CNTNAP5: variants seen among roughly 807,000 people sequenced by gnomAD.
CNTNAP5 encodes contactin-associated protein-like 5.
Under a neutral mutation model 150.2 loss-of-function variants are expected in CNTNAP5, and 72 were observed. The observed-to-expected ratio is 0.48, with a 90% CI of 0.40 to 0.58. The LOEUF (loss-of-function observed/expected upper bound fraction) is 0.58. Ranked by LOEUF, CNTNAP5 falls within the 20% of genes least tolerant of loss-of-function variation. The pLI is 0.00. For synonymous variants in CNTNAP5, 672 were observed against 619.8 expected, an observed-to-expected ratio of 1.08 and a Z score of -1.25; for missense variants, 1,636 against 1,626.2, an observed-to-expected ratio of 1.01 and a Z score of -0.10.
At chr2:124,565,517 A>C (rs899196832) in intron 11 of CNTNAP5, among the ~76,000 whole-genome samples, 3 of 151,782 alleles carry the variant, frequency 2.0e-5, no homozygotes, top group African/African-American at 7.3e-5. Context: ...AAAGAAATTT[A>C]GAACAGTGAA....
At chr2:124,763,010 A>C (rs1680990853) in intron 14 of CNTNAP5, among the ~76,000 whole-genome samples, 1 of 152,122 alleles carries the variant, frequency 6.6e-6, no homozygotes, top group Non-Finnish European at 1.5e-5. Context: ...GAGTCCAAAA[A>C]CACCACCTTA....
intron 2 of CNTNAP5, among the ~76,000 whole-genome samples, chr2:124,227,447 A>G (rs1313722461): frequency 6.6e-6 from 1 of 152,102 alleles, no homozygotes; most frequent in African/African-American, 2.4e-5. Context: ...ACACTCACAA[A>G]CACAAACATG....
chr2:124,771,389 C>T (rs1422330208), intron 16 of CNTNAP5, among the ~76,000 whole-genome samples: 1 of 152,108 alleles, frequency 6.6e-6, no homozygotes, highest in African/African-American at 2.4e-5. Context: ...ATGGAAAACA[C>T]AAGACAATAT....
chr2:124,470,459 G>T (rs1247207982), intron 6 of CNTNAP5, among the ~76,000 whole-genome samples: 1 of 152,052 alleles, frequency 6.6e-6, no homozygotes, highest in Non-Finnish European at 1.5e-5. Flanking sequence ...TGTAGATGCT[G>T]CATATTAGGC....
chr2:124,204,301 A>G (rs1480004842), intron 1 of CNTNAP5, among the ~76,000 whole-genome samples: 1 of 152,148 alleles, frequency 6.6e-6, no homozygotes, highest in Non-Finnish European at 1.5e-5. Flanking sequence ...ATCTGAGACC[A>G]CCTCAGCCTG....
intron 3 of CNTNAP5, among the ~76,000 whole-genome samples, chr2:124,254,616 C>A (rs1687263601): frequency 6.6e-6 from 1 of 152,184 alleles, no homozygotes; most frequent in African/African-American, 2.4e-5. Context: ...AAGCCACTGG[C>A]ATTTTGTTTA....
At chr2:124,688,160 A>G (rs1343250098) in intron 13 of CNTNAP5, among the ~76,000 whole-genome samples, 1 of 152,118 alleles carries the variant, frequency 6.6e-6, no homozygotes, top group Admixed American at 6.6e-5. Flanking sequence ...CTCTGTATCA[A>G]TTGCCAACAA....
chr2:124,313,138 G>A (rs1443765631), intron 3 of CNTNAP5, among the ~76,000 whole-genome samples: 1 of 152,178 alleles, frequency 6.6e-6, no homozygotes, highest in African/African-American at 2.4e-5. Flanking sequence ...TTAACCCTGT[G>A]CCATCATCGA....
chr2:124,898,890 T>C (rs886454253), intron 21 of CNTNAP5, among the ~76,000 whole-genome samples: 8 of 151,560 alleles, frequency 5.3e-5, no homozygotes, highest in Non-Finnish European at 1.2e-4. Flanking sequence ...GCTTTCATTA[T>C]GGCGATATGT....
rs570162286 is a variant in CNTNAP5 at position 124,859,757 on chromosome 2, T to C, written c.3218-5549T>C. On this transcript the variant is annotated intron_variant, in intron 19 of 23. Transcript: ENST00000682447. ...AAAAAGGATGAGTTCATGTCCTTTG[T>C]AGGGACATGGATGAAGCTGGAAACC... Among the ~76,000 whole-genome samples, 655 of 152,158 alleles carry C rather than the reference T, an allele frequency of 4.3e-3. 5 individuals carry two copies. Among genetic ancestry groups the C allele is most frequent in the Non-Finnish European group, 7.3e-3 (499 of 67,992 alleles).
intron 21 of CNTNAP5, among the ~76,000 whole-genome samples, chr2:124,884,493 T>C (rs892388747): frequency 1.3e-5 from 2 of 152,076 alleles, no homozygotes; most frequent in Non-Finnish European, 2.9e-5. Context: ...CTTCTGATGA[T>C]CTTGGACTGT....
At chr2:124,773,459 G>C (rs1442969598) in intron 17 of CNTNAP5, among the ~76,000 whole-genome samples, 1 of 152,112 alleles carries the variant, frequency 6.6e-6, no homozygotes, top group East Asian at 1.9e-4. Flanking sequence ...CATTTTAAAG[G>C]GATTTTCGTC....
chr2:124,107,113 G>T (rs1475528788), intron 1 of CNTNAP5, among the ~76,000 whole-genome samples: 1 of 152,180 alleles, frequency 6.6e-6, no homozygotes, highest in Admixed American at 6.5e-5. Context: ...TGAGAGCTCA[G>T]GGAGAAAGAG....
intron 21 of CNTNAP5, among the ~76,000 whole-genome samples, chr2:124,899,842 A>C (rs1235394504): frequency 1.3e-5 from 2 of 151,490 alleles, no homozygotes; most frequent in African/African-American, 4.9e-5. Context: ...TAGGAAATAC[A>C]TTTGTCTTTA....
At chr2:124,719,513 T>C (rs1009556199) in intron 13 of CNTNAP5, among the ~76,000 whole-genome samples, 6 of 152,278 alleles carry the variant, frequency 3.9e-5, no homozygotes, top group Admixed American at 6.5e-5. Context: ...TGAGATCTGG[T>C]GTATAAAAAA....
At chr2:124,146,133 A>G (rs1427491872) in intron 1 of CNTNAP5, among the ~76,000 whole-genome samples, 2 of 152,158 alleles carry the variant, frequency 1.3e-5, no homozygotes, top group East Asian at 1.9e-4. Context: ...AGGAGCAGGC[A>G]GGTGTTTGAG....
chr2:124,503,362 A>G (rs1037843720), intron 7 of CNTNAP5, among the ~76,000 whole-genome samples: 1 of 152,234 alleles, frequency 6.6e-6, no homozygotes, highest in Non-Finnish European at 1.5e-5. Flanking sequence ...TGAGAACTGT[A>G]CTGCGTATCT....
chr2:124,233,869 T>C (rs912527759), intron 2 of CNTNAP5, among the ~76,000 whole-genome samples: 3 of 151,746 alleles, frequency 2.0e-5, no homozygotes, highest in African/African-American at 7.3e-5. Context: ...AAATCACTTA[T>C]CCAAAGTCAC....
chr2:124,169,014 GC>G (rs747744050), intron 1 of CNTNAP5, among the ~76,000 whole-genome samples: 7 of 151,936 alleles, frequency 4.6e-5, no homozygotes, highest in Non-Finnish European at 1.0e-4. Context: ...GAATCACGAT[GC>G]CCACTTAGAA....
Sources: gnomAD v4.1 joint callset for allele counts (sites outside exome capture counted in the v4.1 genomes callset) on GRCh38, gnomAD v4.1.1 for gene constraint, MANE v1.5 for transcripts, NCBI Gene and HGNC (gene_info 2026-07-23, HGNC 2026-07-21) for gene names.